The following MCPH1 variants were observed in gnomAD, a reference collection of about 807,000 sequenced individuals.
The protein encoded by MCPH1 is microcephalin.
Under a neutral mutation model 84.5 loss-of-function variants are expected in MCPH1, and 104 were observed. The ratio of observed to expected loss-of-function variants is 1.23; its 90% CI spans 1.05 to 1.45. MCPH1 has a LOEUF of 1.45. MCPH1 is among the 40% of genes most tolerant of loss of function. The pLI is 0.00. For synonymous variants in MCPH1, 514 were observed against 366.8 expected (o/e 1.40, Z -4.58); for missense variants, 1,498 against 1,005.7 (o/e 1.49, Z -6.62).
chr8:6,563,139 T>A, intron 12 of MCPH1: 1 of 502,398 alleles, frequency 2.0e-6, no homozygotes, highest in African/African-American at 1.9e-5. Flanking sequence ...AACTGTCAGA[T>A]TGCAGTGGGA....
At chr8:6,446,608 T>A (rs1436253272) in intron 8 of MCPH1, 1 of 978,502 alleles carries the variant, frequency 1.0e-6, no homozygotes, top group African/African-American at 1.7e-5. Context: ...TTCAAAATAT[T>A]TATTTTAAAA....
chr8:6,572,542 T>A (rs1826744991), intron 12 of MCPH1, among the ~76,000 whole-genome samples: 1 of 152,218 alleles, frequency 6.6e-6, no homozygotes, highest in African/African-American at 2.4e-5. Context: ...CATTTTAATT[T>A]TAATGCAAAA....
chr8:6,572,691 C>A (rs1176805254), intron 12 of MCPH1, among the ~76,000 whole-genome samples: 1 of 152,230 alleles, frequency 6.6e-6, no homozygotes, highest in Non-Finnish European at 1.5e-5. Flanking sequence ...ACTATTACAA[C>A]AGCAGAAAAA....
At chr8:6,518,691 A>G (rs1273956676) in intron 12 of MCPH1, among the ~76,000 whole-genome samples, 1 of 152,188 alleles carries the variant, frequency 6.6e-6, no homozygotes, top group African/African-American at 2.4e-5. Flanking sequence ...GAGCCTCGAA[A>G]ATTTCCACTT....
Position 6,442,068 on chromosome 8 carries a change from T to C in MCPH1, c.582T>C (p.Ser194=). Residue 194 remains serine, a splice_region_variant and synonymous_variant, in exon 7 of 14, where the codon TCT becomes TCC. Coordinates refer to ENST00000344683, the MANE Select transcript of MCPH1 (RefSeq NM_024596.5). ...GCAGTGTCTTGGTCCTGTTTTTAGC[T>C]TCCCAAATGATTCAGCAGTCTCATG... ...KEKRENLSPT[S]SQMIQQSHDN... is the part of the protein sequence containing the mutation. The C allele has an allele frequency of 3.1e-6, 5 of 1,610,998 alleles. No homozygotes were observed. In the South Asian group the frequency reaches 4.4e-5, roughly 14 times the overall value.
Position 6,646,011 on chromosome 8 carries a change from C to T in MCPH1, c.*2962C>T, listed in dbSNP as rs566607223. 6.6e-6 allele frequency: 1 copy of T among 152,264 alleles called. No homozygotes were observed. The highest frequency in any genetic ancestry group is 6.5e-5 in the Admixed American group (1 of 15,296). 9.4% of individuals were successfully genotyped at this position (152,264 alleles called of 1,614,324 possible). Reference sequence around the variant, plus strand: ...ATGGCTTTTTATAGAATTTGAAAAGCTGATGCTAAATCTTTTATGAAAATG... The same window carrying T: ...ATGGCTTTTTATAGAATTTGAAAAGTTGATGCTAAATCTTTTATGAAAATG... On this transcript the variant is annotated 3_prime_UTR_variant, in exon 14 of 14. Transcript: ENST00000344683.
rs553872505 is a variant in MCPH1 at position 6,556,838 on chromosome 8, C to T, written c.2214+56909C>T. 7.9e-5 allele frequency among the ~76,000 whole-genome samples: 12 copies of T among 152,244 alleles called. No homozygotes were observed. In the South Asian group the frequency reaches 2.3e-3, roughly 29 times the overall value. On this transcript the variant is annotated intron_variant, in intron 12 of 13. Transcript: ENST00000344683. ...TCCTGGCCTCAAAGTGTCTTCCCAT[C>T]TTGGCCTCTCAAAGCTCTAGGATTA... is the stretch of plus-strand genomic sequence containing the variant.
At chr8:6,579,512 G>A (rs779040277) in intron 12 of MCPH1, among the ~76,000 whole-genome samples, 22 of 152,294 alleles carry the variant, frequency 1.4e-4, no homozygotes, top group Non-Finnish European at 2.6e-4. Flanking sequence ...TTTCTGGGGC[G>A]TTCTAATGAA....
rs187444854 is a variant in MCPH1 at position 6,637,914 on chromosome 8, C to G, written c.2453-5080C>G. Among the ~76,000 whole-genome samples the G allele has an allele frequency of 1.0e-3, 157 of 152,200 alleles. 2 individuals are homozygous for G. Among genetic ancestry groups the G allele is most frequent in the Admixed American group, 2.4e-3 (37 of 15,280 alleles). On this transcript the variant is annotated intron_variant, in intron 13 of 13. Coordinates refer to ENST00000344683, the MANE Select transcript of MCPH1 (RefSeq NM_024596.5). ...TATACATTTCAGAGCCAGGTGCACT[C>G]GCTGATACATTGGATGTGGCATATT...
chr8:6,570,654 A>G (rs1826578090), intron 12 of MCPH1, among the ~76,000 whole-genome samples: 1 of 152,228 alleles, frequency 6.6e-6, no homozygotes, highest in Non-Finnish European at 1.5e-5. Flanking sequence ...AGTTAATAGG[A>G]GAAAAATCTT....
At chr8:6,618,292 A>G (rs565734907) in intron 12 of MCPH1, among the ~76,000 whole-genome samples, 1 of 152,328 alleles carries the variant, frequency 6.6e-6, no homozygotes, top group East Asian at 1.9e-4. Context: ...TTCACAGCTA[A>G]CTTTTTAAAA....
At chr8:6,410,432 A>G (rs1362722804) in intron 2 of MCPH1, among the ~76,000 whole-genome samples, 1 of 152,204 alleles carries the variant, frequency 6.6e-6, no homozygotes, top group Non-Finnish European at 1.5e-5. Context: ...GTTTTCAGTG[A>G]AATGGGCAGG....
At chr8:6,468,585 A>C (rs1387425051) in intron 9 of MCPH1, among the ~76,000 whole-genome samples, 1 of 151,740 alleles carries the variant, frequency 6.6e-6, no homozygotes, top group Non-Finnish European at 1.5e-5. Flanking sequence ...GAGGTGGTGC[A>C]GATGTATTGT....
Position 6,438,971 on chromosome 8 carries a change from T to G in MCPH1, c.455T>G (p.Leu152Arg). ...KTNLDDDVPI[L>R]LFESNGSLIY... ...TTTTCAGATGATGATGTACCTATTC[T>G]CTTATTTGAATCTAATGGTTCATTA... The change falls in exon 6 of 14, where the codon CTC (leucine) becomes CGC (arginine). Residue 152 changes from leucine (L) to arginine (R), a missense_variant. Transcript: ENST00000344683. The G allele has an allele frequency of 6.2e-7, 1 of 1,612,418 alleles. No homozygotes were observed. The highest frequency in any genetic ancestry group is 8.5e-7 in the Non-Finnish European group (1 of 1,178,896).
intron 12 of MCPH1, chr8:6,562,858 A>C (rs754935133): frequency 6.2e-7 from 1 of 1,613,108 alleles, no homozygotes; most frequent in Non-Finnish European, 8.5e-7. Context: ...TATGCTGTCC[A>C]TGCTCTTCCG....
chr8:6,506,167 T>C (rs1246729558), intron 12 of MCPH1, among the ~76,000 whole-genome samples: 1 of 151,942 alleles, frequency 6.6e-6, no homozygotes, highest in African/African-American at 2.4e-5. Context: ...GACGGAAGTT[T>C]GCGTGTTCTA....
chr8:6,625,255 C>A (rs2129581366), intron 13 of MCPH1: 3 of 985,460 alleles, frequency 3.0e-6, no homozygotes, highest in East Asian at 1.1e-4. Flanking sequence ...ACCCCACATG[C>A]TGGTTAAAGG....
chr8:6,541,734 T>C (rs1301254510), intron 12 of MCPH1, among the ~76,000 whole-genome samples: 5 of 152,210 alleles, frequency 3.3e-5, no homozygotes, highest in African/African-American at 1.2e-4. Flanking sequence ...CCGGGCATAG[T>C]GGCTCACTCC....
At chr8:6,427,880 C>T (rs1169129782) in intron 3 of MCPH1, among the ~76,000 whole-genome samples, 1 of 151,426 alleles carries the variant, frequency 6.6e-6, no homozygotes, top group East Asian at 1.9e-4. Context: ...GCAACCTCTG[C>T]CTCCCAGGTT....
Sources: allele counts gnomAD v4.1 joint callset (sites outside exome capture counted in the v4.1 genomes callset), GRCh38; gene constraint gnomAD v4.1.1; transcripts MANE v1.5; gene names NCBI Gene and HGNC (gene_info 2026-07-23, HGNC 2026-07-21).